The following ANK2 variants were observed in gnomAD, a reference collection of about 807,000 sequenced individuals.
The protein encoded by ANK2 is ankyrin-2.
In ANK2, 83 loss-of-function variants were observed where a neutral mutation model predicts 360.5. That is an observed-to-expected ratio of 0.23 (90% CI 0.19 to 0.28). The LOEUF is 0.28. Among genes scored for constraint, ANK2 ranks in the 10% least tolerant of loss-of-function variants. The pLI is 1.00. For synonymous variants in ANK2, 1,740 were observed against 1,759.5 expected, an observed-to-expected ratio of 0.99 and a Z score of 0.28; for missense variants, 4,201 against 4,795.7, an observed-to-expected ratio of 0.88 and a Z score of 3.66.
intron 2 of ANK2, among the ~76,000 whole-genome samples, chr4:112,939,540 C>G (rs766442631): frequency 2.0e-5 from 3 of 152,056 alleles, no homozygotes; most frequent in Non-Finnish European, 2.9e-5. Flanking sequence ...GTCTCAACCT[C>G]CTGACCTCAG....
At chr4:113,338,991 A>G (rs559601688) in intron 31 of ANK2, among the ~76,000 whole-genome samples, 1 of 152,336 alleles carries the variant, frequency 6.6e-6, no homozygotes, top group East Asian at 1.9e-4. Context: ...AGAGAACAGA[A>G]GGCTTAATAA....
Position 113,040,580 on chromosome 4 carries a change from C to T in ANK2, c.22-133836C>T, listed in dbSNP as rs143220490. On this transcript the variant is annotated intron_variant, in intron 2 of 30. Transcript: ENST00000503271. ...AGACACTCCATATTTACATCAGACA[C>T]AAAGATCTTTCCTCCCTTAATCATT... Among the ~76,000 whole-genome samples, 12 of 152,202 alleles carry T rather than the reference C, an allele frequency of 7.9e-5. No homozygotes were observed. In the East Asian group the frequency reaches 2.3e-3, roughly 30 times the overall value.
chr4:112,725,959 G>T, the ANK2 span, among the ~76,000 whole-genome samples: 1 of 152,020 alleles, frequency 6.6e-6, no homozygotes, highest in Non-Finnish European at 1.5e-5. Flanking sequence ...TAGTAAGAAG[G>T]ATTATGAAGA....
intron 1 of ANK2, among the ~76,000 whole-genome samples, chr4:113,107,627 T>G (rs1403291337): frequency 6.6e-6 from 1 of 152,218 alleles, no homozygotes; most frequent in Non-Finnish European, 1.5e-5. Flanking sequence ...TCTCTGGGGA[T>G]GAGTCTATCT....
rs1250640997 is a variant in ANK2, at chr4:113,174,426, A to G, written c.95A>G (p.Asn32Ser). The G allele has an allele frequency of 3.7e-6, 6 of 1,612,696 alleles. No homozygotes were observed. The highest frequency in any genetic ancestry group is 1.7e-5 in the Admixed American group (1 of 59,962). Residue 32 changes from asparagine to serine, a missense_variant, in exon 2 of 46, where the codon AAT becomes AGT. Asn to Ser is a conservative substitution (Grantham distance 46, BLOSUM62 1). Coordinates refer to ENST00000357077, the MANE Select transcript of ANK2 (RefSeq NM_001148.6). ...RRKRPKKSDS[N>S]ASFLRAARAG... ...TTATTTTTCTCGCAGTCTGACAGCA[A>G]TGCAAGCTTCCTCCGTGCTGCCAGA...
intron 41 of ANK2, among the ~76,000 whole-genome samples, chr4:113,366,512 C>A (rs1298475577): frequency 1.3e-5 from 2 of 149,706 alleles, no homozygotes; most frequent in Non-Finnish European, 2.9e-5. Context: ...CATAGCTTGT[C>A]CTCATCTCCC....
chr4:113,382,901 A>G lies in ANK2; in HGVS notation c.*1430A>G, dbSNP rs936258609. ...CACTCCCTTGGAAACTCTTAAGTGC[A>G]TTTGTGCACTTCTGTTTGTTTGTCT... On this transcript the variant is annotated 3_prime_UTR_variant, in exon 46 of 46. Coordinates refer to ENST00000357077, the MANE Select transcript of ANK2 (RefSeq NM_001148.6). 2.0e-5 allele frequency: 3 copies of G among 152,500 alleles called. No individual in the cohort carries two copies. The highest frequency in any genetic ancestry group is 7.2e-5 in the African/African-American group (3 of 41,440). 9.4% of individuals were successfully genotyped at this position (152,500 alleles called of 1,614,324 possible).
upstream of ANK2, among the ~76,000 whole-genome samples, chr4:112,816,981 A>G (rs1356205954): frequency 6.6e-6 from 1 of 152,246 alleles, no homozygotes; most frequent in African/African-American, 2.4e-5. Flanking sequence ...ACTGCACTTC[A>G]GCCTGGGGGA....
intron 23 of ANK2, among the ~76,000 whole-genome samples, chr4:113,308,204 C>A (rs2078169662): frequency 1.3e-5 from 2 of 152,138 alleles, no homozygotes; most frequent in Admixed American, 6.6e-5. Flanking sequence ...AGCTTTTAAT[C>A]TGAATATTAT....
At chr4:113,131,436 C>A (rs544831565) in intron 1 of ANK2, among the ~76,000 whole-genome samples, 30 of 152,194 alleles carry the variant, frequency 2.0e-4, no homozygotes, top group African/African-American at 6.8e-4. Flanking sequence ...TGGGAATAGG[C>A]TGCATTACTG....
In ANK2 at chr4:112,942,480, T is replaced by G. The variant is rs117386992; in HGVS notation, c.21+37966T>G. ...ATGCCCATTTTGTAGATGAGAAAAC[T>G]GGGCAAACTCACAACAAGCAAGGGG... On this transcript the variant is annotated intron_variant, in intron 2 of 30. Coordinates refer to the ANK2 transcript ENST00000503271. Among the ~76,000 whole-genome samples, 192 of 152,208 alleles carry G rather than the reference T, an allele frequency of 1.3e-3. 2 individuals are homozygous for G. The East Asian group carries it at 0.03, about 24-fold the overall frequency.
chr4:113,066,030 CA>C (rs1172503335), intron 1 of ANK2, among the ~76,000 whole-genome samples: 5 of 151,920 alleles, frequency 3.3e-5, no homozygotes, highest in South Asian at 2.1e-4. Context: ...AGAACTAAAA[CA>C]AAAAAAGTAG....
chr4:113,180,850 T>G (rs1360094960), intron 2 of ANK2, among the ~76,000 whole-genome samples: 1 of 152,218 alleles, frequency 6.6e-6, no homozygotes, highest in Non-Finnish European at 1.5e-5. Context: ...ATGCTTATTA[T>G]TGACCCCTCA....
At chr4:112,733,078 G>T in the ANK2 span, among the ~76,000 whole-genome samples, 4 of 152,112 alleles carry the variant, frequency 2.6e-5, no homozygotes, top group Non-Finnish European at 5.9e-5. Flanking sequence ...TTAGCCAGGT[G>T]TGGTGGCGGG....
the ANK2 span, among the ~76,000 whole-genome samples, chr4:112,812,037 T>C: frequency 0.1 from 13,458 of 130,164 alleles, 865 homozygotes; most frequent in Middle Eastern, 0.21. Flanking sequence ...ATCCCGCCAC[T>C]GCACCCCAGC....
At chr4:113,351,040 T>C (rs889688630) in intron 37 of ANK2, among the ~76,000 whole-genome samples, 2 of 152,120 alleles carry the variant, frequency 1.3e-5, no homozygotes, top group East Asian at 3.9e-4. Flanking sequence ...GTTTGTAATA[T>C]CCAATTAAGA....
At chr4:112,922,821 C>T (rs545365964) in intron 2 of ANK2, among the ~76,000 whole-genome samples, 1 of 152,240 alleles carries the variant, frequency 6.6e-6, no homozygotes, top group African/African-American at 2.4e-5. Flanking sequence ...CTCTAATATT[C>T]CTTGTCACTG....
chr4:112,953,273 A>C (rs2095142337), intron 2 of ANK2, among the ~76,000 whole-genome samples: 1 of 152,248 alleles, frequency 6.6e-6, no homozygotes, highest in Admixed American at 6.5e-5. Context: ...ATGCAGTTTA[A>C]GTTTATCCAT....
intron 2 of ANK2, among the ~76,000 whole-genome samples, chr4:113,013,343 A>C (rs1409401856): frequency 1.3e-5 from 2 of 152,176 alleles, no homozygotes; most frequent in East Asian, 1.9e-4. Flanking sequence ...TACATTGATA[A>C]TTTTAAAAGG....
Sources: gnomAD v4.1 joint callset for allele counts (sites outside exome capture counted in the v4.1 genomes callset) on GRCh38, gnomAD v4.1.1 for gene constraint, MANE v1.5 for transcripts, NCBI Gene and HGNC (gene_info 2026-07-23, HGNC 2026-07-21) for gene names.